The following REELD1 variants were observed in gnomAD, a reference collection of about 807,000 sequenced individuals.
REELD1 encodes reeler domain containing 1, also known as reelin domain-containing protein 1.
REELD1 carries 12 observed loss-of-function variants against 6.3 expected under a neutral mutation model. The ratio of observed to expected loss-of-function variants is 1.89; its 90% CI spans 1.21 to 3.07. The LOEUF (loss-of-function observed/expected upper bound fraction) is 3.07. REELD1 is among the 30% of genes most tolerant of loss of function. REELD1 has a pLI of 0.00. For missense variants in REELD1, 163 were observed against 86.8 expected, an observed-to-expected ratio of 1.88 and a Z score of -3.49; for synonymous variants, 57 against 33.6, an observed-to-expected ratio of 1.70 and a Z score of -2.42.
At position 146,224,610 on chromosome 4, in the gene REELD1, T is replaced by C. The variant is rs1242167731; in HGVS notation, c.595+2T>C. On this transcript the variant is annotated splice_donor_variant, in intron 5 of 7. Transcript: ENST00000623665. LOFTEE classifies it high-confidence loss of function. ...GCGATGTTGAAGGAGCTGCTCCAGG[T>C]ACAGCTTGTCATTGTATTTGCCAGG... 1.4e-6 allele frequency: 1 copy of C among 702,036 alleles called. No homozygotes were observed. Among genetic ancestry groups the C allele is most frequent in the Non-Finnish European group, 2.6e-6 (1 of 384,856 alleles). 43.5% of individuals were successfully genotyped at this position (702,036 alleles called of 1,614,324 possible).
chr4:146,228,618 T>C lies in REELD1; in HGVS notation c.908+96T>C. ...AGTCTGACAAAAAAGATCTCAGCCA[T>C]ATTTTTTCTTAAGTGTGTGAAAAAC... is the stretch of plus-strand genomic sequence containing the variant. On this transcript the variant is annotated intron_variant, in intron 6 of 7. Transcript: ENST00000623665. 6.6e-6 allele frequency: 4 copies of C among 605,432 alleles called. No homozygotes were observed. The Admixed American group carries it at 1.2e-4, about 17-fold the overall frequency. 37.5% of individuals were successfully genotyped at this position (605,432 alleles called of 1,614,324 possible).
At chr4:146,223,863 T>C (rs2110921276) in intron 4 of REELD1, among the ~76,000 whole-genome samples, 1 of 152,364 alleles carries the variant, frequency 6.6e-6, no homozygotes, top group Non-Finnish European at 1.5e-5. Flanking sequence ...ATACTTAAAG[T>C]GGGAAAAATG....
rs150114672 is a variant in REELD1 at position 146,230,292 on chromosome 4, C to A, written c.1360C>A (p.Leu454Met). Residue 454 changes from leucine to methionine, a missense_variant, in exon 8 of 8, where the codon CTG becomes ATG. Transcript: ENST00000623665. ...AATTCTGCTTTGCCTGTCAGCCACC[C>A]TGGGCATGGCCCTGGCCGCTGGCCT... ...LGILLCLSAT[L>M]GMALAAGLRY... The A allele has an allele frequency of 3.0e-5, 12 of 398,926 alleles. No individual in the cohort carries two copies. In the South Asian group the frequency reaches 3.8e-4, roughly 13 times the overall value. The allele number at this position is 398,926 out of a possible 1,614,324, so 24.7% of individuals were successfully genotyped here.
At position 146,231,181 on chromosome 4, in the gene REELD1, C is replaced by A. The variant is rs560521462; in HGVS notation, c.*668C>A. Reference sequence around the variant, plus strand: ...TTCAGGAAAACATATACATGCAACACAAGGCCGTAAACACCAGAGTGGGGT... The same window carrying A: ...TTCAGGAAAACATATACATGCAACAAAAGGCCGTAAACACCAGAGTGGGGT... On this transcript the variant is annotated 3_prime_UTR_variant, in exon 8 of 8. Transcript: ENST00000623665. Among the ~76,000 whole-genome samples, 3 of 152,184 alleles carry A rather than the reference C, an allele frequency of 2.0e-5. No homozygotes were observed. The highest frequency in any genetic ancestry group is 4.4e-5 in the Non-Finnish European group (3 of 68,040).
chr4:146,217,089 A>G lies in REELD1; in HGVS notation c.137A>G (p.Gln46Arg). 1 of 399,658 alleles carries G rather than the reference A, an allele frequency of 2.5e-6. No homozygotes were observed. The highest frequency in any genetic ancestry group is 4.4e-6 in the Non-Finnish European group (1 of 226,772). 24.8% of individuals were successfully genotyped at this position (399,658 alleles called of 1,614,324 possible). A position where few individuals can be genotyped will look rare whatever the true frequency, so the allele number is the denominator to read the frequency against. The change falls in exon 3 of 8, where the codon CAG becomes CGG. Residue 46 changes from glutamine to arginine, a missense_variant. Transcript: ENST00000623665. ...MQPKHIQAQP[Q>R]HQDSHHITIH... ...CCCAAGCACATCCAAGCCCAGCCTCAGCACCAGGACAGCCACCACATCACC... is the reference window on the plus strand; with the variant it reads ...CCCAAGCACATCCAAGCCCAGCCTCGGCACCAGGACAGCCACCACATCACC...
At chr4:146,219,697 A>G (rs1464684724) in intron 3 of REELD1, among the ~76,000 whole-genome samples, 1 of 152,138 alleles carries the variant, frequency 6.6e-6, no homozygotes, top group East Asian at 1.9e-4. Flanking sequence ...CAAAAGGTAG[A>G]AAATTAAAAG....
intron 3 of REELD1, among the ~76,000 whole-genome samples, chr4:146,220,608 C>T (rs937508614): frequency 3.9e-5 from 6 of 152,194 alleles, no homozygotes; most frequent in Non-Finnish European, 5.9e-5. Flanking sequence ...CCTTTGACAT[C>T]GCACAGTTTC....
Position 146,229,021 on chromosome 4 carries a change from T to C in REELD1, c.909-4T>C, listed in dbSNP as rs1311317202. 4.3e-6 allele frequency: 3 copies of C among 702,310 alleles called. No individual in the cohort carries two copies. In the African/African-American group the frequency reaches 5.2e-5, roughly 12 times the overall value. 43.5% of individuals were successfully genotyped at this position (702,310 alleles called of 1,614,324 possible). On this transcript the variant is annotated splice_region_variant and splice_polypyrimidine_tract_variant and intron_variant, in intron 6 of 7. Coordinates refer to ENST00000623665, the MANE Select transcript of REELD1 (RefSeq NM_001354631.1). Reference sequence around the variant, plus strand: ...GTTTTCAGCCCTTCCATTCTTCCCTTTAGAACTCAGGATGATCCCAGCTTT... The same window carrying C: ...GTTTTCAGCCCTTCCATTCTTCCCTCTAGAACTCAGGATGATCCCAGCTTT...
In REELD1 at chr4:146,217,029, A is replaced by G. The variant is rs1730838724; in HGVS notation, c.77A>G (p.His26Arg). The part of the protein sequence containing the change: ...CLASCSSAFS[H>R]GASTVACDDM... ...GCTTCCTGCTCATCTGCCTTTTCCC[A>G]TGGTGCCAGCACGGTGGCCTGTGAT... The change falls in exon 3 of 8, where the codon CAT becomes CGT. Residue 26 changes from histidine to arginine, a missense_variant. Transcript: ENST00000623665. The G allele has an allele frequency of 7.5e-6, 3 of 398,782 alleles. No homozygotes were observed. The highest frequency in any genetic ancestry group is 6.3e-4 in the Middle Eastern group (1 of 1,592). 24.7% of individuals were successfully genotyped at this position (398,782 alleles called of 1,614,324 possible).
At chr4:146,220,183 C>T (rs773032152) in intron 3 of REELD1, among the ~76,000 whole-genome samples, 2 of 152,090 alleles carry the variant, frequency 1.3e-5, no homozygotes, top group African/African-American at 4.8e-5. Flanking sequence ...CTTCTAACCT[C>T]GTGATCCACC....
At chr4:146,224,639 G>A (rs1467900301) in intron 5 of REELD1, 31 bp downstream of exon 5, 1 of 699,346 alleles carries the variant, frequency 1.4e-6, no homozygotes, top group African/African-American at 1.7e-5. Context: ...TGCCAGGCTG[G>A]TTGTCATCAT....
chr4:146,221,811 A>C (rs2110919243), intron 3 of REELD1, among the ~76,000 whole-genome samples: 1 of 152,258 alleles, frequency 6.6e-6, no homozygotes, highest in Middle Eastern at 3.4e-3. Flanking sequence ...GTGAGCTGAG[A>C]TCGTGCCACT....
chr4:146,216,521 T>TG (rs1398165660), intron 2 of REELD1, among the ~76,000 whole-genome samples: 1 of 152,244 alleles, frequency 6.6e-6, no homozygotes, highest in Non-Finnish European at 1.5e-5. Flanking sequence ...CATGCCATGC[T>TG]GCCTGACCAT....
At chr4:146,222,805 G>A (rs1325591880) in intron 4 of REELD1, among the ~76,000 whole-genome samples, 1 of 152,178 alleles carries the variant, frequency 6.6e-6, no homozygotes, top group Non-Finnish European at 1.5e-5. Context: ...TGGGCCTAGA[G>A]TGTGTTATCT....
intron 6 of REELD1, 111 bp downstream of exon 6, chr4:146,228,633 G>A (rs985468790): frequency 1.7e-6 from 1 of 602,674 alleles, no homozygotes; most frequent in Non-Finnish European, 2.9e-6. Context: ...TTTCTTAAGT[G>A]TGTGAAAAAC....
intron 2 of REELD1, among the ~76,000 whole-genome samples, chr4:146,216,601 T>C (rs967781404): frequency 6.6e-6 from 1 of 152,244 alleles, no homozygotes; most frequent in African/African-American, 2.4e-5. Context: ...CCAGTCAGCT[T>C]GCAAGGAGCT....
At chr4:146,228,829 C>T (rs889867646) in intron 6 of REELD1, among the ~76,000 whole-genome samples, 196 bp from the exon 7 acceptor site, 2 of 151,920 alleles carry the variant, frequency 1.3e-5, no homozygotes, top group South Asian at 2.1e-4. Flanking sequence ...AAATAATAAG[C>T]GACAGCATTT....
In REELD1 at chr4:146,228,437, C is replaced by A; in HGVS notation, c.823C>A (p.Leu275Met). 1.4e-6 allele frequency: 1 copy of A among 702,596 alleles called. No individual in the cohort carries two copies. Among genetic ancestry groups the A allele is most frequent in the South Asian group, 1.5e-5 (1 of 67,600 alleles). 43.5% of individuals were successfully genotyped at this position (702,596 alleles called of 1,614,324 possible). The change falls in exon 6 of 8, where the codon CTG becomes ATG. Residue 275 changes from leucine (L) to methionine (M), a missense_variant. Physicochemically the swap from Leu to Met is conservative, Grantham distance 15. Coordinates refer to ENST00000623665, the MANE Select transcript of REELD1 (RefSeq NM_001354631.1). ...CAGCAATCCCACCCTAGAGCCGTCC[C>A]TGGAGGTCCACAGGCTGGAGAGGCT... ...GDSNPTLEPSLEVHRLERLVA... is the reference protein window; with the variant it reads ...GDSNPTLEPSMEVHRLERLVA...
intron 5 of REELD1, among the ~76,000 whole-genome samples, chr4:146,226,073 A>C (rs1382311922): frequency 6.6e-6 from 1 of 152,198 alleles, no homozygotes; most frequent in African/African-American, 2.4e-5. Context: ...ACCTTATTTC[A>C]TCTAATAAAG....
Sources: allele counts gnomAD v4.1 joint callset (sites outside exome capture counted in the v4.1 genomes callset), GRCh38; gene constraint gnomAD v4.1.1; transcripts MANE v1.5; gene names NCBI Gene and HGNC (gene_info 2026-07-23, HGNC 2026-07-21).